Variants in NFIX observed in about 807,000 individuals in gnomAD.
The protein encoded by NFIX is nuclear factor 1 X-type.
A neutral mutation model predicts 53.3 loss-of-function variants in NFIX; 2 were observed. The ratio of observed to expected loss-of-function variants is 0.04; its 90% CI spans 0.02 to 0.12. The LOEUF (loss-of-function observed/expected upper bound fraction) is 0.12. Among genes scored for constraint, NFIX ranks in the 10% least tolerant of loss-of-function variants. The probability of loss-of-function intolerance (pLI) is 1.00; values close to 1 mark genes in which losing one functional copy is unlikely to be tolerated. For synonymous variants in NFIX, 244 were observed against 289.0 expected (o/e 0.84, Z 1.58); for missense variants, 310 against 674.5 (o/e 0.46, Z 5.99).
rs1258892864 is a variant in NFIX at position 12,998,188 on chromosome 19, T to C, written c.27+2324T>C. Among the ~76,000 whole-genome samples, 1 of 152,166 alleles carries C rather than the reference T, an allele frequency of 6.6e-6. No homozygotes were observed. Among genetic ancestry groups the C allele is most frequent in the Non-Finnish European group, 1.5e-5 (1 of 68,040 alleles). ...TATTCTGCCCTTTTCCATCTCTCTT[T>C]CTCCATCTCTGTCCTTTTGTATGTC... On this transcript the variant is annotated intron_variant, in intron 1 of 10. Transcript: ENST00000592199. This position sits in a 1 kb window ranked among gnomAD's most constrained non-coding sequence, Gnocchi z 4.4.
rs938448600 is a variant in NFIX, at chr19:13,078,903, G to A, written c.1078+168G>A. Among the ~76,000 whole-genome samples the A allele has an allele frequency of 3.9e-5, 6 of 152,320 alleles. No homozygotes were observed. The highest frequency in any genetic ancestry group is 3.4e-3 in the Middle Eastern group (1 of 294). ...GCATGGGAGCCGGCCCCTGCTTCAC[G>A]TAGCACCTCATCGAGGACCAGGCCG... On this transcript the variant is annotated intron_variant, in intron 7 of 10. Coordinates refer to ENST00000592199, the MANE Select transcript of NFIX (RefSeq NM_001365902.3). The surrounding 1 kb of genome is among the most constrained non-coding windows in gnomAD (Gnocchi z 4.7).
At chr19:13,063,058 C>G (rs1236761722) in intron 2 of NFIX, among the ~76,000 whole-genome samples, 1 of 152,128 alleles carries the variant, frequency 6.6e-6, no homozygotes, top group East Asian at 1.9e-4. Flanking sequence ...GGAGCAGAAC[C>G]CTGCTTAAGG....
rs779155159 is a variant in NFIX, at chr19:13,014,116, C to G, written c.28-10905C>G. 1 of 152,202 alleles carries G rather than the reference C, an allele frequency of 6.6e-6. No individual in the cohort carries two copies. Among genetic ancestry groups the G allele is most frequent in the East Asian group, 1.9e-4 (1 of 5,196 alleles). The allele number at this position is 152,202 out of a possible 1,614,324, so 9.4% of individuals were successfully genotyped here. A position where few individuals can be genotyped will look rare whatever the true frequency, so the allele number is the denominator to read the frequency against. Reference sequence around the variant, plus strand: ...AGAAATAACTCGTCTCTCCTCTCTCCTCTCCATTCAGCATTGTCTTATTTA... The same window carrying G: ...AGAAATAACTCGTCTCTCCTCTCTCGTCTCCATTCAGCATTGTCTTATTTA... On this transcript the variant is annotated intron_variant, in intron 1 of 10. Coordinates refer to ENST00000592199, the MANE Select transcript of NFIX (RefSeq NM_001365902.3). The surrounding 1 kb of genome is among the most constrained non-coding windows in gnomAD (Gnocchi z 4.4).
rs2145540843 is a variant in NFIX, at chr19:13,095,041, G to A, written c.*392G>A. 3 of 199,748 alleles carry A rather than the reference G, an allele frequency of 1.5e-5. No homozygotes were observed. In the South Asian group the frequency reaches 2.7e-4, roughly 18 times the overall value. The allele number at this position is 199,748 out of a possible 1,614,324, so 12.4% of individuals were successfully genotyped here. On this transcript the variant is annotated 3_prime_UTR_variant, in exon 11 of 11. Coordinates refer to ENST00000592199, the MANE Select transcript of NFIX (RefSeq NM_001365902.3). ...CAAAGCAACCAGCACAATTCTGAAG[G>A]GGCCTGGCCTCCACCCTCACCCCTT... is the stretch of plus-strand genomic sequence containing the variant.
Position 12,995,821 on chromosome 19 carries a change from C to T in NFIX, c.-17C>T. 1 of 997,614 alleles carries T rather than the reference C, an allele frequency of 1.0e-6. No homozygotes were observed. Among genetic ancestry groups the T allele is most frequent in the Non-Finnish European group, 1.2e-6 (1 of 840,462 alleles). 61.8% of individuals were successfully genotyped at this position (997,614 alleles called of 1,614,324 possible). A position where few individuals can be genotyped will look rare whatever the true frequency, so the allele number is the denominator to read the frequency against. ...TCGCCGCGGCCGGCCGCCGCGCTCCCGCCCGGGCGCCCAGCTATGTACTCC... is the reference window on the plus strand; with the variant it reads ...TCGCCGCGGCCGGCCGCCGCGCTCCTGCCCGGGCGCCCAGCTATGTACTCC... On this transcript the variant is annotated 5_prime_UTR_variant, in exon 1 of 11. Coordinates refer to ENST00000592199, the MANE Select transcript of NFIX (RefSeq NM_001365902.3).
rs182916468 is a variant in NFIX, at chr19:13,060,341, G to A, written c.560-12706G>A. On this transcript the variant is annotated intron_variant, in intron 2 of 10. Coordinates refer to ENST00000592199, the MANE Select transcript of NFIX (RefSeq NM_001365902.3). The surrounding 1 kb of genome is among the most constrained non-coding windows in gnomAD (Gnocchi z 4.3). Reference sequence around the variant, plus strand: ...GCCCAGAGCCTGAGGCCATTGGAAAGGGCCTATATCTGGAACGGGTGAAGG... The same window carrying A: ...GCCCAGAGCCTGAGGCCATTGGAAAAGGCCTATATCTGGAACGGGTGAAGG... Among the ~76,000 whole-genome samples, 209 of 152,378 alleles carry A rather than the reference G, an allele frequency of 1.4e-3. 2 individuals are homozygous for A. Among genetic ancestry groups the A allele is most frequent in the African/African-American group, 4.9e-3 (205 of 41,594 alleles).
At chr19:12,997,969 G>A (rs1483613366) in intron 1 of NFIX, among the ~76,000 whole-genome samples, 1 of 152,246 alleles carries the variant, frequency 6.6e-6, no homozygotes, top group African/African-American at 2.4e-5. Context: ...ATGGTGGGCA[G>A]GGAAACCCTT....
chr19:13,050,254 C>T (rs2015247204), intron 2 of NFIX, among the ~76,000 whole-genome samples: 1 of 152,236 alleles, frequency 6.6e-6, no homozygotes, highest in South Asian at 2.1e-4. Context: ...CTCTCTATAG[C>T]CCCTGAGTGT....
Position 13,021,535 on chromosome 19 carries a change from A to G in NFIX, c.28-3486A>G, listed in dbSNP as rs1172311310. On this transcript the variant is annotated intron_variant, in intron 1 of 10. Coordinates refer to ENST00000592199, the MANE Select transcript of NFIX (RefSeq NM_001365902.3). The surrounding 1 kb of genome is among the most constrained non-coding windows in gnomAD (Gnocchi z 4.2). ...AAGAAAGGGGCACGAGTGAGCAGTG[A>G]CCTTTTTTCCGTCGCCAGCTGAGGA... Among the ~76,000 whole-genome samples the G allele has an allele frequency of 2.0e-5, 3 of 152,102 alleles. No homozygotes were observed. Among genetic ancestry groups the G allele is most frequent in the Non-Finnish European group, 4.4e-5 (3 of 68,024 alleles).
At chr19:13,061,619 G>C (rs1316726560) in intron 2 of NFIX, among the ~76,000 whole-genome samples, 1 of 152,192 alleles carries the variant, frequency 6.6e-6, no homozygotes, top group African/African-American at 2.4e-5. Flanking sequence ...GCCGCTCCCT[G>C]AGCCGTGCTG....
Position 13,014,923 on chromosome 19 carries a change from G to A in NFIX, c.28-10098G>A, listed in dbSNP as rs948954202. On this transcript the variant is annotated intron_variant, in intron 1 of 10. Transcript: ENST00000592199. The surrounding 1 kb of genome is among the most constrained non-coding windows in gnomAD (Gnocchi z 4.4). ...TGCGGTGGCCCTTCCGCCAGGTGTGGGGTAGACCGCTTAGAAGGGAAAGGG... is the reference window on the plus strand; with the variant it reads ...TGCGGTGGCCCTTCCGCCAGGTGTGAGGTAGACCGCTTAGAAGGGAAAGGG... Among the ~76,000 whole-genome samples the A allele has an allele frequency of 1.3e-5, 2 of 152,192 alleles. No homozygotes were observed. The highest frequency in any genetic ancestry group is 2.9e-5 in the Non-Finnish European group (2 of 68,036).
rs2012442093 is a variant in NFIX at position 13,012,893 on chromosome 19, G to A, written c.28-12128G>A. Among the ~76,000 whole-genome samples, 1 of 152,016 alleles carries A rather than the reference G, an allele frequency of 6.6e-6. No homozygotes were observed. Among genetic ancestry groups the A allele is most frequent in the African/African-American group, 2.4e-5 (1 of 41,390 alleles). On this transcript the variant is annotated intron_variant, in intron 1 of 10. Coordinates refer to ENST00000592199, the MANE Select transcript of NFIX (RefSeq NM_001365902.3). This position sits in a 1 kb window ranked among gnomAD's most constrained non-coding sequence, Gnocchi z 5.0. Reference sequence around the variant, plus strand: ...CAATCCCCGAGCCTTCTCTTTTGGGGGAGTAAAGGCGGGGAAATTTACCAG... The same window carrying A: ...CAATCCCCGAGCCTTCTCTTTTGGGAGAGTAAAGGCGGGGAAATTTACCAG...
In NFIX at chr19:13,088,091, A is replaced by G; in HGVS notation, c.1357A>G (p.Thr453Ala). 1 of 1,536,412 alleles carries G rather than the reference A, an allele frequency of 6.5e-7. No homozygotes were observed. Among genetic ancestry groups the G allele is most frequent in the Non-Finnish European group, 8.7e-7 (1 of 1,146,952 alleles). Residue 453 changes from threonine to alanine, a missense_variant, in exon 9 of 11, where the codon ACC becomes GCC. Transcript: ENST00000592199. This position sits in a 1 kb window ranked among gnomAD's most constrained non-coding sequence, Gnocchi z 5.9. ...VPLPMPDSKS[T>A]STAPDGAALT... ...CCTTCCTATGCCTGATTCCAAATCC[A>G]CCAGCACTGCCCCAGACGGCGCCGC...
Position 13,037,128 on chromosome 19 carries a change from C to T in NFIX, c.559+11576C>T, listed in dbSNP as rs1347967893. Among the ~76,000 whole-genome samples the T allele has an allele frequency of 6.6e-6, 1 of 152,118 alleles. No homozygotes were observed. The highest frequency in any genetic ancestry group is 1.5e-5 in the Non-Finnish European group (1 of 68,010). On this transcript the variant is annotated intron_variant, in intron 2 of 10. Coordinates refer to ENST00000592199, the MANE Select transcript of NFIX (RefSeq NM_001365902.3). This position sits in a 1 kb window ranked among gnomAD's most constrained non-coding sequence, Gnocchi z 4.2. Reference sequence around the variant, plus strand: ...GAAGCAAGGCAGTAGACTCCGTTTCCTTTCATCTTTAGGGGGTCTCAAGTC... The same window carrying T: ...GAAGCAAGGCAGTAGACTCCGTTTCTTTTCATCTTTAGGGGGTCTCAAGTC...
In NFIX at chr19:13,002,084, G is replaced by T. The variant is rs932602935; in HGVS notation, c.27+6220G>T. 1.3e-5 allele frequency among the ~76,000 whole-genome samples: 2 copies of T among 152,166 alleles called. No homozygotes were observed. The highest frequency in any genetic ancestry group is 2.9e-5 in the Non-Finnish European group (2 of 68,004). On this transcript the variant is annotated intron_variant, in intron 1 of 10. Transcript: ENST00000592199. The surrounding 1 kb of genome is among the most constrained non-coding windows in gnomAD (Gnocchi z 6.1). ...CCGTGGGCCTGAGCCCACTATCCCC[G>T]CTGCCCCCACAGCCAGGCAGGCCCT...
intron 2 of NFIX, chr19:13,071,066 C>T (rs2016746906): frequency 6.6e-6 from 1 of 152,386 alleles, no homozygotes; most frequent in South Asian, 2.1e-4. Context: ...ACTGATCCAG[C>T]TCTGGAGGGC....
intron 1 of NFIX, among the ~76,000 whole-genome samples, chr19:12,997,705 G>A (rs927540393): frequency 6.6e-6 from 1 of 151,908 alleles, no homozygotes; most frequent in Admixed American, 6.6e-5. Context: ...TGCCAAGCAC[G>A]CCAGACATCT....
intron 2 of NFIX, among the ~76,000 whole-genome samples, chr19:13,062,186 C>A (rs1433779316): frequency 6.6e-6 from 1 of 152,216 alleles, no homozygotes; most frequent in African/African-American, 2.4e-5. Flanking sequence ...CTGGTCATTC[C>A]AGCCCTTGAG....
chr19:13,041,352 G>A (rs2014606189), intron 2 of NFIX, among the ~76,000 whole-genome samples: 1 of 152,134 alleles, frequency 6.6e-6, no homozygotes, highest in African/African-American at 2.4e-5. Context: ...TACAAAATTA[G>A]CATGAAGTCA....
Sources: allele counts gnomAD v4.1 joint callset (sites outside exome capture counted in the v4.1 genomes callset), GRCh38; gene constraint gnomAD v4.1.1; non-coding constraint Gnocchi (gnomAD v3.1); transcripts MANE v1.5; gene names NCBI Gene and HGNC (gene_info 2026-07-23, HGNC 2026-07-21).